The following CFAP61 variants were observed in gnomAD, a reference collection of about 807,000 sequenced individuals.
The protein encoded by CFAP61 is cilia and flagella associated protein 61.
Under a neutral mutation model 135.6 loss-of-function variants are expected in CFAP61, and 107 were observed. That is an observed-to-expected ratio of 0.79 (90% CI 0.67 to 0.93). The LOEUF is 0.93. Among genes scored for constraint, CFAP61 ranks in the 40% least tolerant of loss-of-function variants. The pLI is 0.00. For missense variants in CFAP61, 1,507 were observed against 1,556.2 expected, an observed-to-expected ratio of 0.97 and a Z score of 0.53; for synonymous variants, 575 against 578.5, an observed-to-expected ratio of 0.99 and a Z score of 0.09.
At chr20:20,099,573 C>T (rs1330502450) in intron 8 of CFAP61, among the ~76,000 whole-genome samples, 1 of 61,552 alleles carries the variant, frequency 1.6e-5, no homozygotes, top group African/African-American at 6.2e-5. Flanking sequence ...GTAATACCTC[C>T]CACACGGGGG....
rs187844966 is a variant in CFAP61, at chr20:20,215,902, C to T, written c.1933-12347C>T. 2.6e-5 allele frequency among the ~76,000 whole-genome samples: 4 copies of T among 152,150 alleles called. No individual in the cohort carries two copies. In the East Asian group the frequency reaches 7.7e-4, roughly 29 times the overall value. ...ACATTAAAAATCATTAAGGCTTAGA[C>T]TATATGGTTTTCATTTAACCCTCAA... On this transcript the variant is annotated intron_variant, in intron 17 of 26. Transcript: ENST00000245957.
chr20:20,353,133 G>A (rs557898913), intron 26 of CFAP61, among the ~76,000 whole-genome samples: 5 of 152,222 alleles, frequency 3.3e-5, no homozygotes, highest in East Asian at 3.9e-4. Context: ...ACATCCTTTC[G>A]TTGTAACATT....
intron 10 of CFAP61, among the ~76,000 whole-genome samples, chr20:20,161,395 A>T (rs1259045004): frequency 6.6e-6 from 1 of 152,214 alleles, no homozygotes; most frequent in Admixed American, 6.5e-5. Context: ...CAGTAAAGGG[A>T]TAAAAAGGGC....
At chr20:20,176,433 C>T (rs1226340841) in intron 13 of CFAP61, among the ~76,000 whole-genome samples, 2 of 97,256 alleles carry the variant, frequency 2.1e-5, no homozygotes, top group Middle Eastern at 4.3e-3. Context: ...CTTGCAAAGA[C>T]ATGGAATTAA....
chr20:20,162,161 G>A (rs574320129), intron 10 of CFAP61, among the ~76,000 whole-genome samples: 2 of 152,238 alleles, frequency 1.3e-5, no homozygotes, highest in South Asian at 2.1e-4. Flanking sequence ...TGGCAGCGCA[G>A]CATCTTCCTC....
At chr20:20,087,787 G>C (rs6046612) in intron 6 of CFAP61, among the ~76,000 whole-genome samples, 2 of 152,030 alleles carry the variant, frequency 1.3e-5, no homozygotes, top group African/African-American at 4.8e-5. Context: ...AAGTACCCAA[G>C]GTCACAGCTG....
intron 6 of CFAP61, 131 bp from the exon 7 acceptor site, chr20:20,090,713 G>C: frequency 8.9e-6 from 4 of 449,322 alleles, no homozygotes; most frequent in Non-Finnish European, 1.5e-5. Flanking sequence ...AAAAAAAAAA[G>C]AAGGAAAGTT....
At chr20:20,074,182 C>G in intron 3 of CFAP61, 120 bp from the exon 4 acceptor site, 2 of 781,852 alleles carry the variant, frequency 2.6e-6, no homozygotes, top group Admixed American at 1.9e-5. Context: ...CATAAAATAT[C>G]AACCCTAAAT....
chr20:20,246,170 G>GA lies in CFAP61; in HGVS notation c.2121dup (p.Leu708ThrfsTer5). ...CTGATTTCAACTCATGGACTCCCAGGAAAAAAACTTCTGGACACTGAACAA... is the reference window on the plus strand; with the variant it reads ...CTGATTTCAACTCATGGACTCCCAGGAAAAAAAACTTCTGGACACTGAACAA... On this transcript the variant is annotated frameshift_variant, in exon 19 of 27. Transcript: ENST00000245957. LOFTEE classifies it high-confidence loss of function. 1.2e-6 allele frequency: 2 copies of GA among 1,613,632 alleles called. No homozygotes were observed. Among genetic ancestry groups the GA allele is most frequent in the Admixed American group, 1.7e-5 (1 of 59,974 alleles).
At chr20:20,351,130 T>C (rs950343039) in intron 26 of CFAP61, among the ~76,000 whole-genome samples, 12 of 152,094 alleles carry the variant, frequency 7.9e-5, no homozygotes, top group African/African-American at 2.9e-4. Flanking sequence ...AAAGAAGAAA[T>C]AAACACATCC....
intron 9 of CFAP61, among the ~76,000 whole-genome samples, chr20:20,155,820 G>T (rs908050453): frequency 3.3e-5 from 5 of 152,138 alleles, no homozygotes; most frequent in African/African-American, 1.2e-4. Context: ...CAATGCTGGT[G>T]GGAATGTAAA....
chr20:20,162,851 G>GCAACAA (rs3060450), intron 10 of CFAP61, among the ~76,000 whole-genome samples: 1 of 151,920 alleles, frequency 6.6e-6, no homozygotes, highest in Non-Finnish European at 1.5e-5. Flanking sequence ...ACTTTGCTCA[G>GCAACAA]CAACAACAGA....
intron 25 of CFAP61, among the ~76,000 whole-genome samples, chr20:20,313,239 A>G (rs1043154612): frequency 3.9e-5 from 6 of 152,218 alleles, no homozygotes; most frequent in Admixed American, 2.0e-4. Flanking sequence ...GAAGGTGGCC[A>G]TCTACAAACT....
intron 19 of CFAP61, among the ~76,000 whole-genome samples, chr20:20,249,999 CTG>C (rs1188854240): frequency 6.6e-6 from 1 of 152,136 alleles, no homozygotes; most frequent in Non-Finnish European, 1.5e-5. Flanking sequence ...CATTATTTTC[CTG>C]TGATAGGCCA....
At chr20:20,091,005 CTT>C in intron 7 of CFAP61, 29 bp downstream of exon 7, 1 of 1,611,544 alleles carries the variant, frequency 6.2e-7, no homozygotes, top group Non-Finnish European at 8.5e-7. Context: ...TGGGAACACA[CTT>C]AGTGAGAGGA....
chr20:20,304,105 G>T (rs566902236), intron 25 of CFAP61, among the ~76,000 whole-genome samples: 1 of 152,128 alleles, frequency 6.6e-6, no homozygotes, highest in Non-Finnish European at 1.5e-5. Context: ...GCTGTCAGCC[G>T]CCATGATGCA....
intron 26 of CFAP61, among the ~76,000 whole-genome samples, chr20:20,343,347 T>C (rs2058517499): frequency 6.6e-6 from 1 of 152,220 alleles, no homozygotes; most frequent in Non-Finnish European, 1.5e-5. Flanking sequence ...AATCATTTCC[T>C]AATCTGAAGC....
intron 19 of CFAP61, among the ~76,000 whole-genome samples, chr20:20,251,206 C>G (rs2050861955): frequency 6.6e-6 from 1 of 152,162 alleles, no homozygotes; most frequent in Admixed American, 6.5e-5. Context: ...TTTCTTCCTT[C>G]TCATTCCCAT....
chr20:20,185,113 A>G (rs2146860144), intron 13 of CFAP61, among the ~76,000 whole-genome samples: 1 of 152,356 alleles, frequency 6.6e-6, no homozygotes, highest in Middle Eastern at 3.4e-3. Context: ...GGTAATTATT[A>G]GACTCCCTGC....
Sources: gnomAD v4.1 joint callset for allele counts (sites outside exome capture counted in the v4.1 genomes callset) on GRCh38, gnomAD v4.1.1 for gene constraint, MANE v1.5 for transcripts, NCBI Gene and HGNC (gene_info 2026-07-23, HGNC 2026-07-21) for gene names.